Variants in ABCB8 observed in about 807,000 individuals in gnomAD.
ABCB8 encodes mitochondrial potassium channel ATP-binding subunit.
ABCB8 carries 52 observed loss-of-function variants against 73.0 expected under a neutral mutation model. The observed-to-expected ratio is 0.71, with a 90% CI of 0.57 to 0.90. ABCB8 has a LOEUF of 0.90. Ranked by LOEUF, ABCB8 falls within the 40% of genes least tolerant of loss-of-function variation. The pLI, the probability that ABCB8 is intolerant of heterozygous loss-of-function variation, is 0.00. For synonymous variants in ABCB8, 428 were observed against 423.5 expected, an observed-to-expected ratio of 1.01 and a Z score of -0.13; for missense variants, 909 against 974.6, an observed-to-expected ratio of 0.93 and a Z score of 0.90.
At chr7:151,036,823 T>C (rs1348116123) in intron 9 of ABCB8, 174 bp downstream of exon 9, 1 of 760,920 alleles carries the variant, frequency 1.3e-6, no homozygotes, top group Non-Finnish European at 2.4e-6. Context: ...TCAGGGCCCA[T>C]AACAACCCTC....
intron 14 of ABCB8, among the ~76,000 whole-genome samples, chr7:151,042,859 C>T (rs925217546): frequency 6.6e-6 from 1 of 152,236 alleles, no homozygotes; most frequent in East Asian, 1.9e-4. Flanking sequence ...CTAGATGGCT[C>T]CTCCAGCCGT....
At chr7:151,036,716 G>T in intron 9 of ABCB8, 67 bp downstream of exon 9, 1 of 1,367,002 alleles carries the variant, frequency 7.3e-7, no homozygotes. Flanking sequence ...CTGGGTTAGG[G>T]GACACGGGTG....
At chr7:151,041,272 G>A (rs143232205) in intron 13 of ABCB8, 40 bp downstream of exon 13, 61 of 1,570,310 alleles carry the variant, frequency 3.9e-5, no homozygotes, top group African/African-American at 1.6e-4. Context: ...CCCACTGCCC[G>A]TCCTCCCCTG....
At position 151,028,575 on chromosome 7, in the gene ABCB8, AC is replaced by A; in HGVS notation, c.62del (p.Pro21ArgfsTer42). 6.2e-7 allele frequency: 1 copy of A among 1,613,816 alleles called. No individual in the cohort carries two copies. Among genetic ancestry groups the A allele is most frequent in the Non-Finnish European group, 8.5e-7 (1 of 1,179,984 alleles). ...RGGPFPGRLL[P>X]PLRFQTFSAV... ...GTGGCCCATTCCCAGGCAGGCTGCT[AC>A]CGCCCCTCCGCTTCCAGACATTCTC... is the stretch of plus-strand genomic sequence containing the variant. On this transcript the variant is annotated frameshift_variant, in exon 1 of 16. Coordinates refer to ENST00000358849, the MANE Select transcript of ABCB8 (RefSeq NM_007188.5). LOFTEE classifies it high-confidence loss of function.
intron 5 of ABCB8, 121 bp from the exon 6 acceptor site, chr7:151,035,460 A>C (rs988477396): frequency 3.3e-6 from 4 of 1,225,018 alleles, no homozygotes; most frequent in Non-Finnish European, 3.4e-6. Flanking sequence ...TGGGCCTCCC[A>C]GGGGCCAAGA....
At position 151,036,552 on chromosome 7, in the gene ABCB8, T is replaced by C; in HGVS notation, c.1120T>C (p.Leu374=). ...LSNIAFNCMV[L]GTLFIGGSLV... ...CTTCCCCTCTCCTGCAGGCATGGTC[T>C]TGGGTACCCTATTTATTGGGGGCTC... Residue 374 remains leucine (L), a synonymous_variant, in exon 9 of 16, where the codon TTG becomes CTG. Coordinates refer to ENST00000358849, the MANE Select transcript of ABCB8 (RefSeq NM_007188.5). 6.2e-7 allele frequency: 1 copy of C among 1,614,002 alleles called. No individual in the cohort carries two copies. Among genetic ancestry groups the C allele is most frequent in the Non-Finnish European group, 8.5e-7 (1 of 1,179,868 alleles).
chr7:151,031,139 T>G, intron 1 of ABCB8: 4 of 742,934 alleles, frequency 5.4e-6, no homozygotes, highest in Non-Finnish European at 9.1e-6. Context: ...GCACCTCTAA[T>G]GAGGGCATGC....
chr7:151,033,813 C>G lies in ABCB8; in HGVS notation c.304C>G (p.Pro102Ala). ...GGCCCTGTGTGAGGCAGAAGAGGCC[C>G]CTCCTGCCAGCTCCACACCCCATGT... The part of the protein sequence containing the change: ...LVALCEAEEA[P>A]PASSTPHVVG... The change falls in exon 2 of 16, where the codon CCT (proline) becomes GCT (alanine). Residue 102 changes from proline to alanine, a missense_variant. Pro to Ala is a conservative substitution (Grantham distance 27). Coordinates refer to ENST00000358849, the MANE Select transcript of ABCB8 (RefSeq NM_007188.5). The G allele has an allele frequency of 6.2e-7, 1 of 1,614,084 alleles. No homozygotes were observed. The highest frequency in any genetic ancestry group is 8.5e-7 in the Non-Finnish European group (1 of 1,179,986).
In ABCB8 at chr7:151,045,398, G is replaced by A. The variant is rs1796588600; in HGVS notation, c.*49G>A. The A allele has an allele frequency of 6.9e-7, 1 of 1,445,618 alleles. No homozygotes were observed. The highest frequency in any genetic ancestry group is 1.5e-5 in the African/African-American group (1 of 68,124). 89.5% of individuals were successfully genotyped at this position (1,445,618 alleles called of 1,614,324 possible). A position where few individuals can be genotyped will look rare whatever the true frequency, so the allele number is the denominator to read the frequency against. On this transcript the variant is annotated 3_prime_UTR_variant, in exon 16 of 16. Coordinates refer to ENST00000358849, the MANE Select transcript of ABCB8 (RefSeq NM_007188.5). ...GCTGCCAAGCATCAGTGTTAGGGCTGGGGCTCAGCCTGGGGGAGCCTACTG... is the reference window on the plus strand; with the variant it reads ...GCTGCCAAGCATCAGTGTTAGGGCTAGGGCTCAGCCTGGGGGAGCCTACTG...
chr7:151,045,634 C>T lies in ABCB8; in HGVS notation c.*285C>T, dbSNP rs1188378422. ...TTCCACGAGACACCTCCACTCTATT[C>T]TCCCTTTGCCCAGACCCCTCCAGAC... is the stretch of plus-strand genomic sequence containing the variant. On this transcript the variant is annotated 3_prime_UTR_variant, in exon 16 of 16. Coordinates refer to ENST00000358849, the MANE Select transcript of ABCB8 (RefSeq NM_007188.5). 2 of 362,258 alleles carry T rather than the reference C, an allele frequency of 5.5e-6. No individual in the cohort carries two copies. The highest frequency in any genetic ancestry group is 4.2e-5 in the African/African-American group (2 of 47,544). 22.4% of individuals were successfully genotyped at this position (362,258 alleles called of 1,614,324 possible). A position where few individuals can be genotyped will look rare whatever the true frequency, so the allele number is the denominator to read the frequency against.
At position 151,043,954 on chromosome 7, in the gene ABCB8, T is replaced by G. The variant is rs778862939; in HGVS notation, c.1766-17T>G. ...AGTGCACAGCTTCAGGCTCCTGCCC[T>G]GCCCCTCCCTTCCCAGGTGAACGGG... On this transcript the variant is annotated splice_polypyrimidine_tract_variant and intron_variant, in intron 14 of 15. Transcript: ENST00000358849. The G allele has an allele frequency of 6.2e-7, 1 of 1,605,652 alleles. No homozygotes were observed. The highest frequency in any genetic ancestry group is 8.5e-7 in the Non-Finnish European group (1 of 1,174,098).
chr7:151,030,094 T>TGTTGATG (rs1485162920), intron 1 of ABCB8, among the ~76,000 whole-genome samples: 2 of 152,174 alleles, frequency 1.3e-5, no homozygotes, highest in African/African-American at 2.4e-5. Context: ...AGAGTAAGGG[T>TGTTGATG]GTTGATGTTA....
Position 151,033,866 on chromosome 7 carries a change from C to G in ABCB8, c.357C>G (p.Leu119=). Residue 119 remains leucine (L), a synonymous_variant, in exon 2 of 16, where the codon CTC becomes CTG. Transcript: ENST00000358849. ...HVVGSRFNWK[L]FWQFLHPHLL... is the part of the protein sequence containing the mutation. ...TGGGGTCTCGCTTTAACTGGAAGCTCTTCTGGCAGTTTCTGCACCCCCACC... is the reference window on the plus strand; with the variant it reads ...TGGGGTCTCGCTTTAACTGGAAGCTGTTCTGGCAGTTTCTGCACCCCCACC... 2 of 1,612,330 alleles carry G rather than the reference C, an allele frequency of 1.2e-6. No individual in the cohort carries two copies. Among genetic ancestry groups the G allele is most frequent in the Non-Finnish European group, 1.7e-6 (2 of 1,178,964 alleles).
Position 151,035,438 on chromosome 7 carries a change from G to C in ABCB8, c.766-143G>C, listed in dbSNP as rs923549929. The C allele has an allele frequency of 2.6e-5, 25 of 950,474 alleles. No individual in the cohort carries two copies. In the African/African-American group the frequency reaches 3.9e-4, roughly 15 times the overall value. 58.9% of individuals were successfully genotyped at this position (950,474 alleles called of 1,614,324 possible). ...GAGTTAGGGTTACGTACTGTGACCG[G>C]TGGACTGCCACTGGGCCTCCCAGGG... On this transcript the variant is annotated intron_variant, in intron 5 of 15. Transcript: ENST00000358849.
chr7:151,034,598 C>A lies in ABCB8; in HGVS notation c.658C>A (p.Arg220=). 1 of 1,613,812 alleles carries A rather than the reference C, an allele frequency of 6.2e-7. No homozygotes were observed. Among genetic ancestry groups the A allele is most frequent in the South Asian group, 1.1e-5 (1 of 91,090 alleles). ...GAGGGCCCTCTTCAGCTCCCTGCTC[C>A]GGTACTGCCAGCCGCAGGGTGCAGA... The part of the protein sequence containing the change: ...MRRALFSSLL[R]QDITFFDANK... Residue 220 remains arginine, a splice_region_variant and synonymous_variant, in exon 4 of 16, where the codon CGA becomes AGA. Coordinates refer to ENST00000358849, the MANE Select transcript of ABCB8 (RefSeq NM_007188.5).
intron 10 of ABCB8, 59 bp downstream of exon 10, chr7:151,040,360 G>T (rs1355919968): frequency 6.2e-7 from 1 of 1,603,970 alleles, no homozygotes; most frequent in Non-Finnish European, 8.5e-7. Context: ...GTGTGCCGCT[G>T]TGGGAGCTGC....
chr7:151,033,026 C>T (rs1333393941), intron 1 of ABCB8: 1 of 456,686 alleles, frequency 2.2e-6, no homozygotes, highest in Admixed American at 2.3e-5. Context: ...GTTATTTCAG[C>T]TCTCTTAGCT....
chr7:151,037,018 A>G (rs149523090), intron 9 of ABCB8: 1 of 685,578 alleles, frequency 1.5e-6, no homozygotes, highest in Non-Finnish European at 2.7e-6. Flanking sequence ...GTGCACTCAC[A>G]TTGCTGTGCG....
chr7:151,037,651 C>T (rs891468740), intron 9 of ABCB8: 2 of 363,904 alleles, frequency 5.5e-6, no homozygotes, highest in Non-Finnish European at 1.1e-5. Flanking sequence ...TCCCTCCCCC[C>T]ACGACCCCCC....
Sources: allele counts gnomAD v4.1 joint callset (sites outside exome capture counted in the v4.1 genomes callset), GRCh38; gene constraint gnomAD v4.1.1; transcripts MANE v1.5; gene names NCBI Gene and HGNC (gene_info 2026-07-23, HGNC 2026-07-21).